Variants in GALC observed in about 807,000 individuals in gnomAD.
GALC encodes the protein galactocerebrosidase.
Under a neutral mutation model 91.8 loss-of-function variants are expected in GALC, and 77 were observed. The observed-to-expected ratio is 0.84, with a 90% CI of 0.70 to 1.01. The LOEUF (loss-of-function observed/expected upper bound fraction) is 1.01. GALC is among the 50% of genes least tolerant of loss of function. GALC has a pLI of 0.00. For missense variants in GALC, 882 were observed against 855.9 expected (o/e 1.03, Z -0.38); for synonymous variants, 357 against 306.7 (o/e 1.16, Z -1.71).
Position 87,963,497 on chromosome 14 carries a change from A to T in GALC, c.1048T>A (p.Phe350Ile). 6.2e-7 allele frequency: 1 copy of T among 1,612,828 alleles called. No individual in the cohort carries two copies. Among genetic ancestry groups the T allele is most frequent in the Admixed American group, 1.7e-5 (1 of 59,968 alleles). ...AGGTAATACCAGCCAGGTTGAGTAAACTGAGTGGTATGAGCTATAGAAAAA... is the reference window on the plus strand; with the variant it reads ...AGGTAATACCAGCCAGGTTGAGTAATCTGAGTGGTATGAGCTATAGAAAAA... Reference protein sequence around the residue: ...PVWVSAHTTQFTQPGWYYLKT... With the variant: ...PVWVSAHTTQITQPGWYYLKT... The change falls in exon 10 of 17, where the codon TTT becomes ATT. Residue 350 changes from phenylalanine (F) to isoleucine (I), a missense_variant. Phe to Ile is a conservative substitution (Grantham distance 21, BLOSUM62 0). Transcript: ENST00000261304.
At chr14:87,988,377 T>C in intron 2 of GALC, 78 bp downstream of exon 2, 1 of 1,252,160 alleles carries the variant, frequency 8.0e-7, no homozygotes, top group Non-Finnish European at 1.2e-6. Context: ...ATTGTGAGGC[T>C]AATAAATTCT....
At chr14:87,979,183 C>T (rs1156291041) in intron 6 of GALC, among the ~76,000 whole-genome samples, 1 of 152,112 alleles carries the variant, frequency 6.6e-6, no homozygotes, top group Non-Finnish European at 1.5e-5. Flanking sequence ...TGCCACCATG[C>T]CCGGCTAATT....
In GALC at chr14:87,986,613, G is replaced by A. The variant is rs775763723; in HGVS notation, c.329-11C>T. ...AGGGCTCAGTGCCGTCTGAATAGAG[G>A]AGAGCAAAAACGGAAGTAATGATCC... On this transcript the variant is annotated splice_polypyrimidine_tract_variant and intron_variant, in intron 3 of 16. Coordinates refer to ENST00000261304, the MANE Select transcript of GALC (RefSeq NM_000153.4). 14 of 1,560,696 alleles carry A rather than the reference G, an allele frequency of 9.0e-6. No homozygotes were observed. The highest frequency in any genetic ancestry group is 3.3e-5 in the Admixed American group (2 of 59,834).
At chr14:87,977,003 C>G (rs1386955180) in intron 6 of GALC, 3 of 134,386 alleles carry the variant, frequency 2.2e-5, no homozygotes, top group African/African-American at 6.2e-5. Flanking sequence ...TTCACTTTGA[C>G]TTTAAAATTA....
At chr14:87,963,032 A>G (rs1428294919) in intron 10 of GALC, among the ~76,000 whole-genome samples, 1 of 152,092 alleles carries the variant, frequency 6.6e-6, no homozygotes, top group Non-Finnish European at 1.5e-5. Context: ...TCTCCCCAAA[A>G]CAACCTGAGG....
chr14:87,967,999 T>C (rs567035448), intron 8 of GALC, among the ~76,000 whole-genome samples: 7 of 152,146 alleles, frequency 4.6e-5, no homozygotes, highest in Non-Finnish European at 8.8e-5. Context: ...TGGAGACACA[T>C]GCTAAAATAT....
intron 10 of GALC, 51 bp from the exon 11 acceptor site, chr14:87,950,799 A>AG: frequency 7.8e-7 from 1 of 1,284,796 alleles, no homozygotes; most frequent in Non-Finnish European, 1.1e-6. Flanking sequence ...AAGCTACCTT[A>AG]GGGGAAAAAA....
intron 1 of GALC, 45 bp downstream of exon 1, chr14:87,992,925 C>T (rs1357316566): frequency 6.7e-6 from 10 of 1,489,532 alleles, no homozygotes; most frequent in Non-Finnish European, 8.9e-6. Flanking sequence ...CCCCACGGGG[C>T]GGGCTCTTGC....
chr14:87,963,644 T>C (rs1885905664), intron 9 of GALC, 133 bp from the exon 10 acceptor site: 7 of 727,854 alleles, frequency 9.6e-6, no homozygotes, highest in Non-Finnish European at 1.6e-5. Flanking sequence ...TGCAGGAATA[T>C]ATCCGTCAAC....
rs1887252340 is a variant in GALC, at chr14:87,992,607, G to T, written c.195+363C>A. ...ACTCCCTGGCCCTTTCTGGAGCGAC[G>T]CTCCCCGACTGCCATCTCCGCGATG... On this transcript the variant is annotated intron_variant, in intron 1 of 16. Coordinates refer to ENST00000261304, the MANE Select transcript of GALC (RefSeq NM_000153.4). 8 of 1,449,490 alleles carry T rather than the reference G, an allele frequency of 5.5e-6. No homozygotes were observed. The South Asian group carries it at 1.1e-4, about 21-fold the overall frequency. The allele number at this position is 1,449,490 out of a possible 1,614,324, so 89.8% of individuals were successfully genotyped here. A position where few individuals can be genotyped will look rare whatever the true frequency, so the allele number is the denominator to read the frequency against.
At chr14:87,952,481 C>A (rs1356794671) in intron 10 of GALC, 4 of 579,366 alleles carry the variant, frequency 6.9e-6, no homozygotes, top group African/African-American at 3.7e-5. Flanking sequence ...ATAAGCTAAA[C>A]CACAACCCTG....
At chr14:87,979,514 A>AC (rs1886649550) in intron 6 of GALC, among the ~76,000 whole-genome samples, 1 of 152,254 alleles carries the variant, frequency 6.6e-6, no homozygotes, top group Admixed American at 6.5e-5. Flanking sequence ...AGCAACAATT[A>AC]GTCTTTCAAA....
intron 14 of GALC, among the ~76,000 whole-genome samples, chr14:87,942,209 G>T (rs777597013): frequency 6.6e-6 from 1 of 151,878 alleles, no homozygotes; most frequent in Non-Finnish European, 1.5e-5. Context: ...GTACATCTGG[G>T]GCAGCCCCTT....
intron 1 of GALC, 102 bp downstream of exon 1, chr14:87,992,868 G>T (rs1887268132): frequency 1.4e-6 from 2 of 1,404,894 alleles, no homozygotes; most frequent in Non-Finnish European, 9.2e-7. Context: ...GCGGAGAGTG[G>T]AGCCGGTGGA....
intron 10 of GALC, among the ~76,000 whole-genome samples, chr14:87,961,414 T>C (rs896709942): frequency 6.6e-6 from 1 of 152,064 alleles, no homozygotes; most frequent in African/African-American, 2.4e-5. Context: ...TTCCTCAAAA[T>C]CCTAAAGACA....
intron 8 of GALC, among the ~76,000 whole-genome samples, chr14:87,967,980 C>T (rs537773249): frequency 1.8e-4 from 27 of 152,194 alleles, no homozygotes; most frequent in African/African-American, 6.3e-4. Flanking sequence ...AAAGAATATC[C>T]TTATGTTTTG....
chr14:87,977,276 C>T (rs952571728), intron 6 of GALC, among the ~76,000 whole-genome samples: 3 of 152,062 alleles, frequency 2.0e-5, no homozygotes. Flanking sequence ...ACTGTCCACC[C>T]ACAAAAATTA....
At position 87,992,214 on chromosome 14, in the gene GALC, A is replaced by C. The variant is rs965711979; in HGVS notation, c.195+756T>G. The C allele has an allele frequency of 4.2e-6, 6 of 1,421,928 alleles. No individual in the cohort carries two copies. The South Asian group carries it at 4.9e-5, about 12-fold the overall frequency. The allele number at this position is 1,421,928 out of a possible 1,614,324, so 88.1% of individuals were successfully genotyped here. A position where few individuals can be genotyped will look rare whatever the true frequency, so the allele number is the denominator to read the frequency against. ...TGCAAGCTCCATCCAACTCAACCCCAAAAATCCGAGTTCAACCTTAACATT... is the reference window on the plus strand; with the variant it reads ...TGCAAGCTCCATCCAACTCAACCCCCAAAATCCGAGTTCAACCTTAACATT... On this transcript the variant is annotated intron_variant, in intron 1 of 16. Transcript: ENST00000261304.
At chr14:87,992,271 G>T in intron 1 of GALC, 7 of 1,534,372 alleles carry the variant, frequency 4.6e-6, no homozygotes, top group Non-Finnish European at 5.2e-6. Context: ...ATGTAATTTC[G>T]GATACAAAAC....
Sources: allele counts gnomAD v4.1 joint callset (sites outside exome capture counted in the v4.1 genomes callset), GRCh38; gene constraint gnomAD v4.1.1; transcripts MANE v1.5; gene names NCBI Gene and HGNC (gene_info 2026-07-23, HGNC 2026-07-21).